EXOSC2: variants seen among roughly 807,000 people sequenced by gnomAD.
EXOSC2 encodes the protein exosome complex component RRP4.
A neutral mutation model predicts 37.6 loss-of-function variants in EXOSC2; 29 were observed. That is an observed-to-expected ratio of 0.77 (90% CI 0.57 to 1.05). The LOEUF (loss-of-function observed/expected upper bound fraction) is 1.05. EXOSC2 is among the 50% of genes least tolerant of loss of function. The pLI is 0.00. For missense variants in EXOSC2, 346 were observed against 365.6 expected (o/e 0.95, Z 0.44); for synonymous variants, 119 against 131.1 (o/e 0.91, Z 0.63).
At chr9:130,701,058 C>A in intron 6 of EXOSC2, 123 bp downstream of exon 6, 2 of 857,012 alleles carry the variant, frequency 2.3e-6, no homozygotes, top group Non-Finnish European at 3.8e-6. Context: ...TAGAGGCTGG[C>A]ATCCCACAAA....
In EXOSC2 at chr9:130,704,832, TA is replaced by T. The variant is rs756890453; in HGVS notation, c.*1063del. 3 of 152,168 alleles carry T rather than the reference TA, an allele frequency of 2.0e-5. No homozygotes were observed. The highest frequency in any genetic ancestry group is 4.4e-5 in the Non-Finnish European group (3 of 68,026). 9.4% of individuals were successfully genotyped at this position (152,168 alleles called of 1,614,324 possible). A position where few individuals can be genotyped will look rare whatever the true frequency, so the allele number is the denominator to read the frequency against. On this transcript the variant is annotated 3_prime_UTR_variant, in exon 9 of 9. Transcript: ENST00000372358. ...TTGTGGATGATTCAGAGTTAAAAGA[TA>T]AAAAGACGCCAGAGTTCTCGCTGAA...
rs1588201055 is a variant in EXOSC2, at chr9:130,702,136, A to G, written c.498A>G (p.Leu166=). ...AGCTTCGTGATATATTTCTTTAGCTAGGTCAGGGGGTTTTGGTCCAGGTTT... is the reference window on the plus strand; with the variant it reads ...AGCTTCGTGATATATTTCTTTAGCTGGGTCAGGGGGTTTTGGTCCAGGTTT... ...LHTRSLKYGK[L]GQGVLVQVSP... Residue 166 remains leucine, a splice_region_variant and synonymous_variant, in exon 7 of 9, where the codon CTA becomes CTG. Coordinates refer to ENST00000372358, the MANE Select transcript of EXOSC2 (RefSeq NM_014285.7). The G allele has an allele frequency of 1.9e-6, 3 of 1,613,050 alleles. No homozygotes were observed. Among genetic ancestry groups the G allele is most frequent in the Admixed American group, 1.7e-5 (1 of 59,642 alleles).
intron 5 of EXOSC2, 36 bp from the exon 6 acceptor site, chr9:130,700,831 C>T: frequency 2.5e-6 from 4 of 1,609,302 alleles, no homozygotes; most frequent in Non-Finnish European, 3.4e-6. Flanking sequence ...AGTGTGTGGC[C>T]AAGGCTGCTG....
Position 130,698,731 on chromosome 9 carries a change from C to T in EXOSC2, c.360+480C>T, listed in dbSNP as rs533883831. On this transcript the variant is annotated intron_variant, in intron 4 of 8. Coordinates refer to ENST00000372358, the MANE Select transcript of EXOSC2 (RefSeq NM_014285.7). This position sits in a 1 kb window ranked among gnomAD's most constrained non-coding sequence, Gnocchi z 4.1. ...TGGTTCACCTTGATCTTCAGTCCAG[C>T]GTGTATTTACAGAGAGGCTTACTGT... Among the ~76,000 whole-genome samples, 10 of 152,278 alleles carry T rather than the reference C, an allele frequency of 6.6e-5. No homozygotes were observed. Among genetic ancestry groups the T allele is most frequent in the African/African-American group, 1.9e-4 (8 of 41,556 alleles).
At chr9:130,702,602 T>TGTTTC (rs1564259331) in intron 7 of EXOSC2, among the ~76,000 whole-genome samples, 1 of 151,974 alleles carries the variant, frequency 6.6e-6, no homozygotes, top group African/African-American at 2.4e-5. Flanking sequence ...TGTTTTGTTT[T>TGTTTC]GTTTTGTTTT....
intron 2 of EXOSC2, among the ~76,000 whole-genome samples, chr9:130,696,472 A>AG (rs1479206624): frequency 2.6e-5 from 4 of 152,146 alleles, no homozygotes; most frequent in African/African-American, 9.7e-5. Flanking sequence ...GGGAGATTGA[A>AG]GGGGGATAGG....
intron 7 of EXOSC2, 98 bp from the exon 8 acceptor site, chr9:130,702,955 T>C: frequency 7.0e-7 from 1 of 1,423,542 alleles, no homozygotes; most frequent in Non-Finnish European, 9.7e-7. Context: ...AGGGTGATAC[T>C]GTCTGAGTCA....
chr9:130,701,696 C>A, intron 6 of EXOSC2: 1 of 864,654 alleles, frequency 1.2e-6, no homozygotes, highest in Non-Finnish European at 1.4e-6. Context: ...GGATTTGCAC[C>A]CAGCTCCACC....
At chr9:130,703,623 T>C in intron 8 of EXOSC2, 71 bp from the exon 9 acceptor site, 1 of 1,196,582 alleles carries the variant, frequency 8.4e-7, no homozygotes, top group African/African-American at 1.5e-5. Context: ...GCTTGATTTA[T>C]GTTTGGATTG....
In EXOSC2 at chr9:130,693,918, G is replaced by A. The variant is rs748719679; in HGVS notation, c.122+5G>A. ...TACGGACACAGGATTCATGCGGTAC[G>A]TGGGGACTTGGGGGAGTCGAGGCTT... is the stretch of plus-strand genomic sequence containing the variant. On this transcript the variant is annotated splice_donor_5th_base_variant and intron_variant, in intron 1 of 8. Coordinates refer to ENST00000372358, the MANE Select transcript of EXOSC2 (RefSeq NM_014285.7). 9.4e-6 allele frequency: 15 copies of A among 1,598,116 alleles called. No homozygotes were observed. In the South Asian group the frequency reaches 1.6e-4, roughly 17 times the overall value.
At chr9:130,697,283 C>G (rs1831116921) in intron 2 of EXOSC2, among the ~76,000 whole-genome samples, 1 of 152,144 alleles carries the variant, frequency 6.6e-6, no homozygotes, top group Admixed American at 6.5e-5. Flanking sequence ...CCATGTGCCA[C>G]AGGAAAATAG....
At chr9:130,696,516 C>T (rs1831100532) in intron 2 of EXOSC2, among the ~76,000 whole-genome samples, 1 of 152,048 alleles carries the variant, frequency 6.6e-6, no homozygotes, top group Non-Finnish European at 1.5e-5. Flanking sequence ...GGACCATACT[C>T]ATGATCTGAA....
rs1564258872 is a variant in EXOSC2, at chr9:130,702,120, A to T, written c.496-14A>T. The T allele has an allele frequency of 1.2e-6, 2 of 1,612,430 alleles. No individual in the cohort carries two copies. Among genetic ancestry groups the T allele is most frequent in the Admixed American group, 3.4e-5 (2 of 59,556 alleles). Reference sequence around the variant, plus strand: ...AATCTTGCAGTGACCTAGCTTCGTGATATATTTCTTTAGCTAGGTCAGGGG... The same window carrying T: ...AATCTTGCAGTGACCTAGCTTCGTGTTATATTTCTTTAGCTAGGTCAGGGG... On this transcript the variant is annotated splice_polypyrimidine_tract_variant and intron_variant, in intron 6 of 8. Coordinates refer to ENST00000372358, the MANE Select transcript of EXOSC2 (RefSeq NM_014285.7).
chr9:130,703,917 G>A lies in EXOSC2; in HGVS notation c.*143G>A. ...CCCTGTGACGGCCTCCAGCCCACAG[G>A]CCTGCTTTCTCCTGTCCTAACACCA... On this transcript the variant is annotated 3_prime_UTR_variant, in exon 9 of 9. Transcript: ENST00000372358. 1 of 643,068 alleles carries A rather than the reference G, an allele frequency of 1.6e-6. No homozygotes were observed. The highest frequency in any genetic ancestry group is 2.6e-6 in the Non-Finnish European group (1 of 379,042). The allele number at this position is 643,068 out of a possible 1,614,324, so 39.8% of individuals were successfully genotyped here.
chr9:130,693,842 A>G lies in EXOSC2; in HGVS notation c.51A>G (p.Arg17=). ...TGGCTCGCAAGCCTCTTAGCGAGAGACTGGGCCGCGACACTAAGAAACATC... is the reference window on the plus strand; with the variant it reads ...TGGCTCGCAAGCCTCTTAGCGAGAGGCTGGGCCGCGACACTAAGAAACATC... ...LPVARKPLSE[R]LGRDTKKHLV... The change falls in exon 1 of 9, where the codon AGA becomes AGG. Residue 17 remains arginine (R), a synonymous_variant. Transcript: ENST00000372358. 1 of 1,611,268 alleles carries G rather than the reference A, an allele frequency of 6.2e-7. No homozygotes were observed. Among genetic ancestry groups the G allele is most frequent in the Non-Finnish European group, 8.5e-7 (1 of 1,178,362 alleles).
chr9:130,696,915 G>A (rs528767756), intron 2 of EXOSC2, among the ~76,000 whole-genome samples: 8 of 152,294 alleles, frequency 5.3e-5, no homozygotes, highest in Non-Finnish European at 1.2e-4. Context: ...ATGGAGGACT[G>A]GAGGGGGCTG....
chr9:130,694,783 A>G lies in EXOSC2; in HGVS notation c.123-709A>G, dbSNP rs536548643. Reference sequence around the variant, plus strand: ...AGTCGTGCGATCTCGGCTCACTGCAACCTCTGCCTCCTGGGTTCAAGTGAT... The same window carrying G: ...AGTCGTGCGATCTCGGCTCACTGCAGCCTCTGCCTCCTGGGTTCAAGTGAT... On this transcript the variant is annotated intron_variant, in intron 1 of 8. Transcript: ENST00000372358. The surrounding 1 kb of genome is among the most constrained non-coding windows in gnomAD (Gnocchi z 4.0). Among the ~76,000 whole-genome samples the G allele has an allele frequency of 1.3e-5, 2 of 151,850 alleles. No homozygotes were observed. Among genetic ancestry groups the G allele is most frequent in the African/African-American group, 4.8e-5 (2 of 41,384 alleles).
In EXOSC2 at chr9:130,698,363, CCT is replaced by C; in HGVS notation, c.360+113_360+114del. ...TTACACTGAGGTTGCCCCTTTGACT[CCT>C]GTTTGTCTGCTGTGAAGTTTGCTGC... On this transcript the variant is annotated intron_variant, in intron 4 of 8. Coordinates refer to ENST00000372358, the MANE Select transcript of EXOSC2 (RefSeq NM_014285.7). This position sits in a 1 kb window ranked among gnomAD's most constrained non-coding sequence, Gnocchi z 4.1. The C allele has an allele frequency of 1.1e-6, 1 of 878,408 alleles. No individual in the cohort carries two copies. The highest frequency in any genetic ancestry group is 1.8e-6 in the Non-Finnish European group (1 of 558,170). 54.4% of individuals were successfully genotyped at this position (878,408 alleles called of 1,614,324 possible).
Position 130,704,511 on chromosome 9 carries a change from C to G in EXOSC2, c.*737C>G, listed in dbSNP as rs1372649772. On this transcript the variant is annotated 3_prime_UTR_variant, in exon 9 of 9. Coordinates refer to ENST00000372358, the MANE Select transcript of EXOSC2 (RefSeq NM_014285.7). ...GCGTACCACACTCCAGCCTGGGTGA[C>G]AGAGCGAGACTGTGTTTCAAAGAAA... The G allele has an allele frequency of 6.6e-6, 1 of 151,564 alleles. No individual in the cohort carries two copies. The highest frequency in any genetic ancestry group is 1.5e-5 in the Non-Finnish European group (1 of 67,930). The allele number at this position is 151,564 out of a possible 1,614,324, so 9.4% of individuals were successfully genotyped here.
Sources: allele counts gnomAD v4.1 joint callset (sites outside exome capture counted in the v4.1 genomes callset), GRCh38; gene constraint gnomAD v4.1.1; non-coding constraint Gnocchi (gnomAD v3.1); transcripts MANE v1.5; gene names NCBI Gene and HGNC (gene_info 2026-07-23, HGNC 2026-07-21).